The following WSB1 variants were observed in gnomAD, a reference collection of about 807,000 sequenced individuals.
WSB1 encodes the protein WD repeat and SOCS box containing 1.
WSB1 carries 23 observed loss-of-function variants against 50.2 expected under a neutral mutation model. The observed-to-expected ratio is 0.46, with a 90% CI of 0.33 to 0.65. WSB1 has a LOEUF of 0.65. WSB1 is among the 30% of genes least tolerant of loss of function. The pLI, the probability that WSB1 is intolerant of heterozygous loss-of-function variation, is 0.02. For synonymous variants in WSB1, 179 were observed against 172.0 expected (o/e 1.04, Z -0.32); for missense variants, 492 against 522.3 (o/e 0.94, Z 0.56).
intron 1 of WSB1, among the ~76,000 whole-genome samples, chr17:27,296,189 A>G (rs2016969846): frequency 6.6e-6 from 1 of 151,882 alleles, no homozygotes; most frequent in African/African-American, 2.4e-5. Flanking sequence ...TACATAAAGT[A>G]GAACCATCCA....
At chr17:27,306,458 A>G (rs924942614) in intron 4 of WSB1, among the ~76,000 whole-genome samples, 8 of 151,970 alleles carry the variant, frequency 5.3e-5, no homozygotes, top group Admixed American at 2.6e-4. Context: ...CAAGCAGTCC[A>G]CCTGCCTCAG....
chr17:27,304,979 A>G lies in WSB1; in HGVS notation c.610+68A>G, dbSNP rs1244325061. 4 of 1,574,258 alleles carry G rather than the reference A, an allele frequency of 2.5e-6. No homozygotes were observed. The East Asian group carries it at 6.8e-5, about 27-fold the overall frequency. The stretch of plus-strand genomic sequence containing the variant: ...ATACTACTATGGAGAGGTATTGGGA[A>G]CATGTGGGGCATTTGACTTTAAAAA... On this transcript the variant is annotated intron_variant, in intron 4 of 8. Coordinates refer to ENST00000262394, the MANE Select transcript of WSB1 (RefSeq NM_015626.10).
intron 4 of WSB1, among the ~76,000 whole-genome samples, chr17:27,305,332 A>G (rs2017403035): frequency 6.6e-6 from 1 of 152,256 alleles, no homozygotes; most frequent in African/African-American, 2.4e-5. Flanking sequence ...CATGACCTAC[A>G]TACCAGAACT....
At position 27,309,106 on chromosome 17, in the gene WSB1, C is replaced by T. The variant is rs1170292432; in HGVS notation, c.718C>T (p.Leu240Phe). 1.7e-5 allele frequency: 27 copies of T among 1,594,024 alleles called. No homozygotes were observed. The highest frequency in any genetic ancestry group is 2.0e-5 in the Non-Finnish European group (23 of 1,168,200). The change falls in exon 6 of 9, where the codon CTT (leucine) becomes TTT (phenylalanine). Residue 240 changes from leucine (L) to phenylalanine (F), a missense_variant. Coordinates refer to ENST00000262394, the MANE Select transcript of WSB1 (RefSeq NM_015626.10). ...ATTTGCCTTTTTATTGCAGGTTTTC[C>T]TTTGGAATATGGATAAATACACCAT... ...CSVGASKAVF[L>F]WNMDKYTMIR...
rs1422375634 is a variant in WSB1 at position 27,315,193 on chromosome 17, A to C, written c.*2824A>C. The C allele has an allele frequency of 1.3e-5, 2 of 152,226 alleles. No homozygotes were observed. Among genetic ancestry groups the C allele is most frequent in the Non-Finnish European group, 2.9e-5 (2 of 68,042 alleles). 9.4% of individuals were successfully genotyped at this position (152,226 alleles called of 1,614,324 possible). On this transcript the variant is annotated 3_prime_UTR_variant, in exon 9 of 9. Coordinates refer to ENST00000262394, the MANE Select transcript of WSB1 (RefSeq NM_015626.10). Reference sequence around the variant, plus strand: ...AAGACGTTGATTATGGACTTGGATCAGATTCTAGCTACATGATTTGAAAAT... The same window carrying C: ...AAGACGTTGATTATGGACTTGGATCCGATTCTAGCTACATGATTTGAAAAT...
chr17:27,300,173 G>GTGTGTGTGGGGGGTGGGGGTGT (rs2017168621), intron 1 of WSB1, among the ~76,000 whole-genome samples: 1 of 146,326 alleles, frequency 6.8e-6, no homozygotes, highest in African/African-American at 2.6e-5. Flanking sequence ...TTGGGGGTGG[G>GTGTGTGTGGGGGGTGGGGGTGT]TGTGTCCATG....
intron 5 of WSB1, chr17:27,307,969 T>C (rs1362719720): frequency 3.2e-6 from 4 of 1,249,546 alleles, no homozygotes; most frequent in East Asian, 6.3e-5. Context: ...TTTTTTCTTT[T>C]TTAAAGTAAT....
intron 5 of WSB1, chr17:27,308,091 G>C (rs2017530052): frequency 9.0e-7 from 1 of 1,116,034 alleles, no homozygotes; most frequent in Non-Finnish European, 1.1e-6. Context: ...GCTTTCAAAT[G>C]GTTTCTCTGT....
chr17:27,307,040 T>G lies in WSB1; in HGVS notation c.711+158T>G, dbSNP rs1005317127. On this transcript the variant is annotated intron_variant, in intron 5 of 8. Coordinates refer to ENST00000262394, the MANE Select transcript of WSB1 (RefSeq NM_015626.10). ...GGGGGAGAATTTGCATGAAGGAAAT[T>G]AAATATAGTTATTGATTGCCAAGTG... 5 of 686,268 alleles carry G rather than the reference T, an allele frequency of 7.3e-6. No individual in the cohort carries two copies. In the Admixed American group the frequency reaches 8.7e-5, roughly 12 times the overall value. 42.5% of individuals were successfully genotyped at this position (686,268 alleles called of 1,614,324 possible). A position where few individuals can be genotyped will look rare whatever the true frequency, so the allele number is the denominator to read the frequency against.
intron 1 of WSB1, 128 bp from the exon 2 acceptor site, chr17:27,301,660 A>G: frequency 1.2e-6 from 1 of 838,450 alleles, no homozygotes. Flanking sequence ...TAGAGGATGG[A>G]ATGCAGAACT....
intron 8 of WSB1, 140 bp from the exon 9 acceptor site, chr17:27,312,070 G>T: frequency 2.0e-6 from 2 of 993,882 alleles, no homozygotes; most frequent in Non-Finnish European, 2.9e-6. Flanking sequence ...ATACATCATT[G>T]GTTAGTTCTT....
In WSB1 at chr17:27,312,386, T is replaced by TA. The variant is rs1478642610; in HGVS notation, c.*18dup. Reference sequence around the variant, plus strand: ...CGTATTTAGAAGATTCTGCCTTCCCTAGTAGTAGGGACTGACAGAATACAC... The same window carrying TA: ...CGTATTTAGAAGATTCTGCCTTCCCTAAGTAGTAGGGACTGACAGAATACAC... On this transcript the variant is annotated 3_prime_UTR_variant, in exon 9 of 9. Transcript: ENST00000262394. 1 of 1,613,334 alleles carries TA rather than the reference T, an allele frequency of 6.2e-7. No individual in the cohort carries two copies. The highest frequency in any genetic ancestry group is 8.5e-7 in the Non-Finnish European group (1 of 1,179,886).
intron 1 of WSB1, among the ~76,000 whole-genome samples, chr17:27,298,281 A>G (rs16963533): frequency 0.012 from 1,800 of 152,262 alleles, 33 homozygotes; most frequent in African/African-American, 0.041. Context: ...AATATTCTCC[A>G]TAGAGACTTT....
At position 27,294,479 on chromosome 17, in the gene WSB1, G is replaced by A. The variant is rs201061749; in HGVS notation, c.40+44G>A. On this transcript the variant is annotated intron_variant, in intron 1 of 8. Coordinates refer to ENST00000262394, the MANE Select transcript of WSB1 (RefSeq NM_015626.10). ...GGTGGGCGCATGAGGGCCGAGGAGAGGCAGGGACTCCCCGGAGGAGGTTTG... is the reference window on the plus strand; with the variant it reads ...GGTGGGCGCATGAGGGCCGAGGAGAAGCAGGGACTCCCCGGAGGAGGTTTG... 6.2e-6 allele frequency: 10 copies of A among 1,609,634 alleles called. No individual in the cohort carries two copies. The East Asian group carries it at 2.2e-4, about 36-fold the overall frequency.
intron 1 of WSB1, among the ~76,000 whole-genome samples, chr17:27,295,982 CA>C (rs2016954718): frequency 6.6e-6 from 1 of 152,104 alleles, no homozygotes; most frequent in Non-Finnish European, 1.5e-5. Context: ...GGATTACAGG[CA>C]TGCACACGCC....
At position 27,294,565 on chromosome 17, in the gene WSB1, G is replaced by A. The variant is rs187986974; in HGVS notation, c.40+130G>A. ...AGTGCGCCAGGGCCAGCCCACTAGC[G>A]AGGAGGAGGAAGCCGCCTCGGTGGG... On this transcript the variant is annotated intron_variant, in intron 1 of 8. Coordinates refer to ENST00000262394, the MANE Select transcript of WSB1 (RefSeq NM_015626.10). 3.0e-4 allele frequency: 398 copies of A among 1,323,472 alleles called. 12 individuals carry two copies. In the South Asian group the frequency reaches 5.1e-3, roughly 17 times the overall value. The allele number at this position is 1,323,472 out of a possible 1,614,324, so 82.0% of individuals were successfully genotyped here.
chr17:27,300,925 C>G (rs775700894), intron 1 of WSB1, among the ~76,000 whole-genome samples: 6 of 152,132 alleles, frequency 3.9e-5, no homozygotes, highest in Non-Finnish European at 7.4e-5. Flanking sequence ...CTCTGTCGCC[C>G]AGGCTGGGGT....
rs577769251 is a variant in WSB1, at chr17:27,314,430, G to C, written c.*2061G>C. ...GTCTCTACTAAAATTACAAAAATTA[G>C]CTGGGCATGGTGGTGGGTTCCTGTA... On this transcript the variant is annotated 3_prime_UTR_variant, in exon 9 of 9. Transcript: ENST00000262394. 1 of 152,046 alleles carries C rather than the reference G, an allele frequency of 6.6e-6. No homozygotes were observed. Among genetic ancestry groups the C allele is most frequent in the African/African-American group, 2.4e-5 (1 of 41,490 alleles). The allele number at this position is 152,046 out of a possible 1,614,324, so 9.4% of individuals were successfully genotyped here.
rs1282092890 is a variant in WSB1 at position 27,315,319 on chromosome 17, A to T, written c.*2950A>T. ...TCTGTTTTAGAATCCCATGGAGTAC[A>T]TGTGAACATAGGAAAATCACACTCA... On this transcript the variant is annotated 3_prime_UTR_variant, in exon 9 of 9. Transcript: ENST00000262394. 1 of 152,256 alleles carries T rather than the reference A, an allele frequency of 6.6e-6. No individual in the cohort carries two copies. The highest frequency in any genetic ancestry group is 1.5e-5 in the Non-Finnish European group (1 of 68,038). 9.4% of individuals were successfully genotyped at this position (152,256 alleles called of 1,614,324 possible). A position where few individuals can be genotyped will look rare whatever the true frequency, so the allele number is the denominator to read the frequency against.
Sources: allele counts gnomAD v4.1 joint callset (sites outside exome capture counted in the v4.1 genomes callset), GRCh38; gene constraint gnomAD v4.1.1; transcripts MANE v1.5; gene names NCBI Gene and HGNC (gene_info 2026-07-23, HGNC 2026-07-21).